The following STX6 variants were observed in gnomAD, a reference collection of about 807,000 sequenced individuals.
STX6 encodes the protein syntaxin-6.
A neutral mutation model predicts 38.0 loss-of-function variants in STX6; 23 were observed. That is an observed-to-expected ratio of 0.60 (90% CI 0.43 to 0.86). STX6 has a LOEUF of 0.86. Ranked by LOEUF, STX6 falls within the 40% of genes least tolerant of loss-of-function variation. STX6 has a pLI of 0.00. For synonymous variants in STX6, 123 were observed against 107.5 expected, an observed-to-expected ratio of 1.14 and a Z score of -0.89; for missense variants, 274 against 312.9, an observed-to-expected ratio of 0.88 and a Z score of 0.94.
chr1:180,989,759 A>C (rs1210870520), intron 5 of STX6, among the ~76,000 whole-genome samples: 3 of 152,048 alleles, frequency 2.0e-5, no homozygotes, highest in Non-Finnish European at 4.4e-5. Context: ...GCTAGGACTA[A>C]AGGTGTGAGC....
At chr1:180,987,160 G>T (rs1037515306) in intron 6 of STX6, among the ~76,000 whole-genome samples, 12 of 152,230 alleles carry the variant, frequency 7.9e-5, no homozygotes, top group African/African-American at 2.9e-4. Context: ...CTCCATGCAC[G>T]TGTGCACCTC....
intron 4 of STX6, among the ~76,000 whole-genome samples, chr1:180,990,664 C>A (rs950743306): frequency 1.3e-5 from 2 of 152,124 alleles, no homozygotes; most frequent in African/African-American, 4.8e-5. Flanking sequence ...TGAATAGAAT[C>A]CAGGGTCCTT....
At chr1:180,984,063 C>CAAAAAAAAAAAA (rs10625558) in intron 7 of STX6, among the ~76,000 whole-genome samples, 1 of 7,166 alleles carries the variant, frequency 1.4e-4, no homozygotes, top group Non-Finnish European at 2.6e-4. Flanking sequence ...GGCTCCATCT[C>CAAAAAAAAAAAA]AAAAAAAAAA....
intron 3 of STX6, among the ~76,000 whole-genome samples, chr1:180,998,608 T>C (rs1338689154): frequency 6.6e-6 from 1 of 152,088 alleles, no homozygotes; most frequent in Non-Finnish European, 1.5e-5. Context: ...CTCAAACTCC[T>C]GCCCTCAAGT....
intron 1 of STX6, among the ~76,000 whole-genome samples, chr1:181,009,727 GT>G (rs1656339346): frequency 6.6e-6 from 1 of 151,886 alleles, no homozygotes; most frequent in African/African-American, 2.4e-5. Context: ...TTGGAAGAGA[GT>G]TTGGTTGTTT....
chr1:181,013,307 C>G (rs1235996974), intron 1 of STX6, among the ~76,000 whole-genome samples: 1 of 152,174 alleles, frequency 6.6e-6, no homozygotes, highest in Non-Finnish European at 1.5e-5. Flanking sequence ...AGTGTAGCCA[C>G]AACCCCCATC....
At chr1:180,981,202 G>A (rs745930073) in intron 7 of STX6, among the ~76,000 whole-genome samples, 33 of 152,080 alleles carry the variant, frequency 2.2e-4, no homozygotes, top group Admixed American at 5.2e-4. Context: ...ATGTGTTAGC[G>A]TAGGCTGATT....
At chr1:180,978,788 G>A (rs79410147) in intron 7 of STX6, among the ~76,000 whole-genome samples, 1 of 152,294 alleles carries the variant, frequency 6.6e-6, no homozygotes, top group East Asian at 1.9e-4. Context: ...CTCACCAGAG[G>A]CTAAGACCTA....
chr1:180,994,297 T>C (rs555777442), intron 3 of STX6, among the ~76,000 whole-genome samples: 212 of 152,336 alleles, frequency 1.4e-3, no homozygotes, highest in Non-Finnish European at 2.7e-3. Context: ...AGTAAACAGA[T>C]GAGACAGTGC....
intron 6 of STX6, 132 bp from the exon 7 acceptor site, chr1:180,984,903 T>C: frequency 2.1e-6 from 1 of 483,774 alleles, no homozygotes; most frequent in South Asian, 3.3e-5. Context: ...GACCTCACTC[T>C]GTTATCCAAA....
chr1:180,976,445 A>C lies in STX6; in HGVS notation c.*125T>G, dbSNP rs553843557. On this transcript the variant is annotated 3_prime_UTR_variant, in exon 8 of 8. Coordinates refer to ENST00000258301, the MANE Select transcript of STX6 (RefSeq NM_005819.6). Reference sequence around the variant, plus strand: ...TGTCAATTGTGGGGTCACACGGAGAAAAGTCAGTGCAGCAGTATGTTTCCA... The same window carrying C: ...TGTCAATTGTGGGGTCACACGGAGACAAGTCAGTGCAGCAGTATGTTTCCA... 1.9e-5 allele frequency: 16 copies of C among 848,264 alleles called. No individual in the cohort carries two copies. The highest frequency in any genetic ancestry group is 5.9e-5 in the South Asian group (4 of 67,484). The allele number at this position is 848,264 out of a possible 1,614,324, so 52.5% of individuals were successfully genotyped here. A position where few individuals can be genotyped will look rare whatever the true frequency, so the allele number is the denominator to read the frequency against.
At chr1:181,018,310 G>A (rs1162389922) in intron 1 of STX6, among the ~76,000 whole-genome samples, 6 of 137,044 alleles carry the variant, frequency 4.4e-5, no homozygotes, top group African/African-American at 1.6e-4. Flanking sequence ...TTGAACCCAA[G>A]AGGTAGAGGT....
At chr1:181,007,193 G>C (rs930210795) in intron 1 of STX6, among the ~76,000 whole-genome samples, 2 of 151,944 alleles carry the variant, frequency 1.3e-5, no homozygotes, top group East Asian at 3.8e-4. Flanking sequence ...CTTACATAAA[G>C]TGGCATAGTA....
chr1:181,001,507 C>T (rs942806329), intron 3 of STX6, among the ~76,000 whole-genome samples: 2 of 152,148 alleles, frequency 1.3e-5, no homozygotes, highest in Non-Finnish European at 2.9e-5. Flanking sequence ...CAATTTTTTA[C>T]ACTCTGATAG....
intron 3 of STX6, among the ~76,000 whole-genome samples, chr1:180,998,165 A>G (rs1466857097): frequency 6.6e-6 from 1 of 152,000 alleles, no homozygotes; most frequent in African/African-American, 2.4e-5. Context: ...ATTTTCTCTA[A>G]TTTTCTTTGA....
At chr1:181,016,485 C>T (rs909655046) in intron 1 of STX6, among the ~76,000 whole-genome samples, 1 of 152,156 alleles carries the variant, frequency 6.6e-6, no homozygotes, top group Non-Finnish European at 1.5e-5. Flanking sequence ...TAAAGGCTTG[C>T]AAATTTGTTC....
At chr1:180,993,302 A>G (rs1039345970) in intron 4 of STX6, 61 bp downstream of exon 4, 7 of 1,012,200 alleles carry the variant, frequency 6.9e-6, no homozygotes, top group Non-Finnish European at 1.1e-5. Flanking sequence ...GCATTTTTAA[A>G]TTCCAAATAT....
chr1:181,018,449 T>A lies in STX6; in HGVS notation c.35+4190A>T, dbSNP rs116645979. On this transcript the variant is annotated intron_variant, in intron 1 of 7. Coordinates refer to ENST00000258301, the MANE Select transcript of STX6 (RefSeq NM_005819.6). ...AAGTGATAAAACCATATATAACGTA[T>A]AATCCCAATTTTTAAAATGACCATA... Among the ~76,000 whole-genome samples, 487 of 134,698 alleles carry A rather than the reference T, an allele frequency of 3.6e-3. 4 individuals carry two copies. The highest frequency in any genetic ancestry group is 0.013 in the African/African-American group (468 of 36,332). 88.4% of individuals were successfully genotyped at this position (134,698 alleles called of 152,430 possible). A position where few individuals can be genotyped will look rare whatever the true frequency, so the allele number is the denominator to read the frequency against.
chr1:181,019,179 C>T (rs866912310), intron 1 of STX6, among the ~76,000 whole-genome samples: 1 of 152,158 alleles, frequency 6.6e-6, no homozygotes, highest in South Asian at 2.1e-4. Context: ...AAACTGTCTA[C>T]TCCACCTGGG....
Sources: allele counts gnomAD v4.1 joint callset (sites outside exome capture counted in the v4.1 genomes callset), GRCh38; gene constraint gnomAD v4.1.1; transcripts MANE v1.5; gene names NCBI Gene and HGNC (gene_info 2026-07-23, HGNC 2026-07-21).